KHDRBS2: variants seen among roughly 807,000 people sequenced by gnomAD.
The protein encoded by KHDRBS2 is KH RNA binding domain containing, signal transduction associated 2.
A neutral mutation model predicts 44.3 loss-of-function variants in KHDRBS2; 26 were observed. The observed-to-expected ratio is 0.59, with a 90% confidence interval of 0.43 to 0.81. The LOEUF (loss-of-function observed/expected upper bound fraction) is 0.81. Among genes scored for constraint, KHDRBS2 ranks in the 40% least tolerant of loss-of-function variants. The probability of loss-of-function intolerance (pLI) is 0.00; values close to 1 mark genes in which losing one functional copy is unlikely to be tolerated. For missense variants in KHDRBS2, 476 were observed against 433.1 expected (o/e 1.10, Z -0.88); for synonymous variants, 194 against 151.1 (o/e 1.28, Z -2.08).
At chr6:62,271,782 A>G (rs1004880308) in intron 1 of KHDRBS2, among the ~76,000 whole-genome samples, 9 of 152,122 alleles carry the variant, frequency 5.9e-5, no homozygotes, top group African/African-American at 2.2e-4. Flanking sequence ...TTACAGAATG[A>G]AGATATAAAG....
chr6:61,862,824 C>G (rs1379294070), intron 6 of KHDRBS2, among the ~76,000 whole-genome samples: 2 of 152,120 alleles, frequency 1.3e-5, no homozygotes, highest in African/African-American at 4.8e-5. Context: ...CAGGATGACG[C>G]TGGCCTCATA....
At chr6:61,993,008 G>A (rs1776425587) in intron 3 of KHDRBS2, among the ~76,000 whole-genome samples, 1 of 152,146 alleles carries the variant, frequency 6.6e-6, no homozygotes, top group Admixed American at 6.5e-5. Flanking sequence ...TTCAAGCGCA[G>A]TTGCTTACCA....
chr6:62,076,297 A>G (rs1199512848), intron 2 of KHDRBS2, among the ~76,000 whole-genome samples: 3 of 152,128 alleles, frequency 2.0e-5, no homozygotes, highest in African/African-American at 7.2e-5. Context: ...AGGAGAACTC[A>G]TCTCATCTTA....
At chr6:61,757,751 A>G (rs1778707248) in intron 6 of KHDRBS2, among the ~76,000 whole-genome samples, 1 of 152,006 alleles carries the variant, frequency 6.6e-6, no homozygotes, top group African/African-American at 2.4e-5. Context: ...TTTTGCCTCT[A>G]ATAATTATTA....
chr6:61,589,372 C>G, the KHDRBS2 span, among the ~76,000 whole-genome samples: 1 of 152,132 alleles, frequency 6.6e-6, no homozygotes, highest in Non-Finnish European at 1.5e-5. Flanking sequence ...CTAAGGACAC[C>G]TTTTGGGAGA....
At chr6:61,758,766 A>G (rs532725346) in intron 6 of KHDRBS2, among the ~76,000 whole-genome samples, 1 of 152,274 alleles carries the variant, frequency 6.6e-6, no homozygotes, top group South Asian at 2.1e-4. Flanking sequence ...AAACGAAAAT[A>G]ATAATACCAG....
chr6:61,574,531 C>A, the KHDRBS2 span: 5 of 585,832 alleles, frequency 8.5e-6, no homozygotes, highest in South Asian at 2.0e-5. Context: ...GAGTATAACC[C>A]AACCTCCGAG....
At chr6:62,233,068 A>C (rs1833136947) in intron 1 of KHDRBS2, among the ~76,000 whole-genome samples, 1 of 152,134 alleles carries the variant, frequency 6.6e-6, no homozygotes, top group African/African-American at 2.4e-5. Context: ...AGTTGCTTGG[A>C]AAATGTCACA....
Position 61,732,903 on chromosome 6 carries a change from G to A in KHDRBS2, c.811-139C>T, listed in dbSNP as rs576491289. The stretch of plus-strand genomic sequence containing the variant: ...AGTATCCATATATCACATTTTACTA[G>A]ATTAATGATTCTCACATAAACTTAA... On this transcript the variant is annotated intron_variant, in intron 6 of 8. Coordinates refer to ENST00000281156, the MANE Select transcript of KHDRBS2 (RefSeq NM_152688.4). 43 of 600,940 alleles carry A rather than the reference G, an allele frequency of 7.2e-5. No homozygotes were observed. The East Asian group carries it at 1.2e-3, about 17-fold the overall frequency. 37.2% of individuals were successfully genotyped at this position (600,940 alleles called of 1,614,324 possible). A position where few individuals can be genotyped will look rare whatever the true frequency, so the allele number is the denominator to read the frequency against.
At chr6:61,581,565 AACAAT>A in the KHDRBS2 span, among the ~76,000 whole-genome samples, 1 of 131,480 alleles carries the variant, frequency 7.6e-6, no homozygotes, top group Non-Finnish European at 1.6e-5. Flanking sequence ...CACAATATAC[AACAAT>A]ATACAATACA....
At chr6:61,629,005 T>C in the KHDRBS2 span, among the ~76,000 whole-genome samples, 1 of 152,128 alleles carries the variant, frequency 6.6e-6, no homozygotes, top group Admixed American at 6.6e-5. Context: ...GTGAGAAAAA[T>C]ATTTTAGCTA....
rs533290976 is a variant in KHDRBS2, at chr6:62,069,743, C to A, written c.220-21749G>T. Among the ~76,000 whole-genome samples the A allele has an allele frequency of 1.1e-4, 16 of 151,834 alleles. No homozygotes were observed. The South Asian group carries it at 3.1e-3, about 29-fold the overall frequency. On this transcript the variant is annotated intron_variant, in intron 2 of 8. Transcript: ENST00000281156. ...ACAAGGAGATGGTTATAAATTATTA[C>A]AATAGGATAGTTTGTACTGCCATTA...
chr6:62,145,479 C>A (rs140397491), intron 2 of KHDRBS2, among the ~76,000 whole-genome samples: 29 of 151,810 alleles, frequency 1.9e-4, no homozygotes, highest in African/African-American at 6.3e-4. Context: ...AGTATCATAT[C>A]TTTTTCTAGG....
chr6:62,171,459 C>T (rs1474860491), intron 2 of KHDRBS2, among the ~76,000 whole-genome samples: 1 of 152,036 alleles, frequency 6.6e-6, no homozygotes, highest in Non-Finnish European at 1.5e-5. Context: ...AACTACAACT[C>T]ACTGGCATCC....
chr6:61,590,499 C>A, the KHDRBS2 span, among the ~76,000 whole-genome samples: 90 of 152,214 alleles, frequency 5.9e-4, no homozygotes, highest in African/African-American at 2.0e-3. Context: ...ATATCATATA[C>A]CACTATTAAA....
At chr6:61,956,352 T>C (rs769457993) in intron 4 of KHDRBS2, among the ~76,000 whole-genome samples, 1 of 152,182 alleles carries the variant, frequency 6.6e-6, no homozygotes, top group Non-Finnish European at 1.5e-5. Flanking sequence ...TTAAAAGACA[T>C]CATAGGGGGT....
At chr6:62,189,439 C>A (rs1315697633) in intron 1 of KHDRBS2, among the ~76,000 whole-genome samples, 1 of 152,012 alleles carries the variant, frequency 6.6e-6, no homozygotes, top group Non-Finnish European at 1.5e-5. Flanking sequence ...ACTATGGAAA[C>A]AGCCAGATAG....
chr6:61,782,616 T>C (rs1783114249), intron 6 of KHDRBS2, among the ~76,000 whole-genome samples: 1 of 150,030 alleles, frequency 6.7e-6, no homozygotes, highest in Non-Finnish European at 1.5e-5. Context: ...TATTATTGCA[T>C]AGCAAAGACC....
intron 1 of KHDRBS2, among the ~76,000 whole-genome samples, chr6:62,238,052 C>CAAA (rs398048582): frequency 8.6e-6 from 1 of 116,792 alleles, no homozygotes; most frequent in Non-Finnish European, 1.8e-5. Flanking sequence ...GACTCTGTCT[C>CAAA]AAAAAAAAAA....
Sources: gnomAD v4.1 joint callset for allele counts (sites outside exome capture counted in the v4.1 genomes callset) on GRCh38, gnomAD v4.1.1 for gene constraint, MANE v1.5 for transcripts, NCBI Gene and HGNC (gene_info 2026-07-23, HGNC 2026-07-21) for gene names.